The following SPATA1 variants were observed in gnomAD, a reference collection of about 807,000 sequenced individuals.
SPATA1 encodes spermatogenesis associated 1.
In SPATA1, 57 loss-of-function variants were observed where a neutral mutation model predicts 59.6. The ratio of observed to expected loss-of-function variants is 0.96; its 90% CI spans 0.77 to 1.19. The LOEUF (loss-of-function observed/expected upper bound fraction) is 1.19. SPATA1 is among the 50% of genes most tolerant of loss of function. SPATA1 has a pLI of 0.00. For synonymous variants in SPATA1, 147 were observed against 163.9 expected (o/e 0.90, Z 0.79); for missense variants, 448 against 480.7 (o/e 0.93, Z 0.64).
At position 84,553,039 on chromosome 1, in the gene SPATA1, GA is replaced by G; in HGVS notation, c.1233del (p.Lys411AsnfsTer10). 1 of 1,515,134 alleles carries G rather than the reference GA, an allele frequency of 6.6e-7. No individual in the cohort carries two copies. The allele number at this position is 1,515,134 out of a possible 1,614,324, so 93.9% of individuals were successfully genotyped here. ...GAAAAGTAATTCTTTTTATAGATGAGAAAACAAGCAGTTTCAGATTTACGAA... is the reference window on the plus strand; with the variant it reads ...GAAAAGTAATTCTTTTTATAGATGAGAAACAAGCAGTTTCAGATTTACGAA... On this transcript the variant is annotated frameshift_variant, in exon 13 of 13. Coordinates refer to ENST00000490879, the Ensembl canonical transcript of SPATA1. LOFTEE classifies it high-confidence loss of function.
At chr1:84,542,131 G>A (rs937009503) in intron 8 of SPATA1, among the ~76,000 whole-genome samples, 1 of 151,846 alleles carries the variant, frequency 6.6e-6, no homozygotes, top group Non-Finnish European at 1.5e-5. Context: ...ACCCGACTAA[G>A]TTTTGTATTT....
chr1:84,516,868 T>C (rs1044915247), intron 2 of SPATA1, among the ~76,000 whole-genome samples: 9 of 152,176 alleles, frequency 5.9e-5, no homozygotes, highest in Non-Finnish European at 7.4e-5. Context: ...ATTCTCACTT[T>C]AAATTCATGA....
rs564936804 is a variant in SPATA1 at position 84,545,895 on chromosome 1, G to T, written c.946+136G>T. ...TTTAGTTTAAGTGGTACATGATTAA[G>T]TTCAATATAGAAAACATGAAATTAT... On this transcript the variant is annotated intron_variant, in intron 10 of 12. Coordinates refer to ENST00000490879, the Ensembl canonical transcript of SPATA1. 3.7e-5 allele frequency: 21 copies of T among 564,894 alleles called. No individual in the cohort carries two copies. The African/African-American group carries it at 3.9e-4, about 11-fold the overall frequency. 35.0% of individuals were successfully genotyped at this position (564,894 alleles called of 1,614,324 possible).
intron 10 of SPATA1, 104 bp from the exon 11 acceptor site, chr1:84,548,682 G>T: frequency 7.9e-7 from 1 of 1,261,230 alleles, no homozygotes. Context: ...GGTTTAAATT[G>T]ACATTAGCTC....
chr1:84,524,632 C>A (rs1010859533), intron 4 of SPATA1, among the ~76,000 whole-genome samples: 6 of 152,166 alleles, frequency 3.9e-5, no homozygotes, highest in Non-Finnish European at 4.4e-5. Flanking sequence ...ATGGCAGACT[C>A]ATTTCTGATT....
chr1:84,516,301 A>C (rs1312386941), exon 2 of SPATA1: 1 of 1,436,020 alleles, frequency 7.0e-7, no homozygotes, highest in Non-Finnish European at 9.2e-7. Flanking sequence ...TAAATGAAGA[A>C]AGATAAAAAA....
chr1:84,520,624 T>C, exon 3 of SPATA1: 1 of 1,579,554 alleles, frequency 6.3e-7, no homozygotes, highest in South Asian at 1.2e-5. Context: ...TGAAGGATCA[T>C]GGAACTATAA....
At chr1:84,527,677 A>C (rs962889468) in intron 6 of SPATA1, 1 of 152,124 alleles carries the variant, frequency 6.6e-6, no homozygotes, top group African/African-American at 2.4e-5. Flanking sequence ...GTCATAATTT[A>C]CTTCCCCAAC....
At chr1:84,553,696 C>T (rs1684343248) in exon 13 of SPATA1, 1 of 152,074 alleles carries the variant, frequency 6.6e-6, no homozygotes, top group African/African-American at 2.4e-5. Context: ...GGTTTTTACT[C>T]TGTCACAAAC....
At chr1:84,526,243 G>A (rs1683218860) in intron 6 of SPATA1, 170 bp downstream of exon 6, 7 of 524,930 alleles carry the variant, frequency 1.3e-5, no homozygotes, top group South Asian at 3.6e-5. Flanking sequence ...CCAGATGGGA[G>A]GAAAAGAAAA....
At chr1:84,540,088 T>C (rs11164002) in intron 8 of SPATA1, among the ~76,000 whole-genome samples, 2,075 of 152,304 alleles carry the variant, frequency 0.014, 64 homozygotes, top group African/African-American at 0.047. Flanking sequence ...TCCCCTCCTT[T>C]TTATCTGCCT....
intron 4 of SPATA1, among the ~76,000 whole-genome samples, chr1:84,523,559 G>T (rs140944241): frequency 1.1e-4 from 17 of 152,208 alleles, no homozygotes; most frequent in Non-Finnish European, 2.1e-4. Flanking sequence ...TGCCTAACAA[G>T]GTGCTTTGCA....
At chr1:84,515,164 G>A (rs559219477) in intron 1 of SPATA1, among the ~76,000 whole-genome samples, 6 of 151,286 alleles carry the variant, frequency 4.0e-5, no homozygotes, top group African/African-American at 9.8e-5. Context: ...CTTTCACTTA[G>A]GTTCATAATA....
intron 12 of SPATA1, chr1:84,551,348 T>G: frequency 3.4e-5 from 28 of 821,894 alleles, no homozygotes; most frequent in East Asian, 1.2e-4. Flanking sequence ...ATCAGTACTG[T>G]CCTCGGTTTC....
exon 13 of SPATA1, chr1:84,554,071 G>GT (rs1684355742): frequency 6.6e-6 from 1 of 152,112 alleles, no homozygotes; most frequent in Non-Finnish European, 1.5e-5. Context: ...GAGCCCAGGA[G>GT]TTGGAGACCC....
chr1:84,517,984 T>C (rs1489276046), intron 2 of SPATA1, among the ~76,000 whole-genome samples: 1 of 151,330 alleles, frequency 6.6e-6, no homozygotes, highest in Non-Finnish European at 1.5e-5. Flanking sequence ...TTATGAAATA[T>C]TATTGCCGCA....
chr1:84,538,163 C>T (rs750319250), intron 8 of SPATA1, among the ~76,000 whole-genome samples: 35 of 152,186 alleles, frequency 2.3e-4, no homozygotes, highest in Non-Finnish European at 4.3e-4. Flanking sequence ...ATTAATGGGC[C>T]TTAGTGTCAA....
At chr1:84,520,854 G>A (rs1025925844) in intron 3 of SPATA1, among the ~76,000 whole-genome samples, 163 bp downstream of exon 3, 1 of 152,158 alleles carries the variant, frequency 6.6e-6, no homozygotes, top group African/African-American at 2.4e-5. Context: ...ATAGTGCTAT[G>A]TAACAATTGA....
At chr1:84,532,661 A>G (rs1162330195) in intron 6 of SPATA1, among the ~76,000 whole-genome samples, 199 bp from the exon 7 acceptor site, 1 of 148,410 alleles carries the variant, frequency 6.7e-6, no homozygotes, top group Non-Finnish European at 1.5e-5. Flanking sequence ...TGAATTAACC[A>G]AATAATTTTC....
Sources: gnomAD v4.1 joint callset for allele counts (sites outside exome capture counted in the v4.1 genomes callset) on GRCh38, gnomAD v4.1.1 for gene constraint, MANE v1.5 for transcripts, NCBI Gene and HGNC (gene_info 2026-07-23, HGNC 2026-07-21) for gene names.